NRXN1: variants seen among roughly 807,000 people sequenced by gnomAD.
The protein encoded by NRXN1 is neurexin-1.
A neutral mutation model predicts 150.9 loss-of-function variants in NRXN1; 39 were observed. That is an observed-to-expected ratio of 0.26 (90% confidence interval 0.20 to 0.34). The LOEUF (loss-of-function observed/expected upper bound fraction) is 0.34. Among genes scored for constraint, NRXN1 ranks in the 10% least tolerant of loss-of-function variants. The probability of loss-of-function intolerance (pLI) is 1.00; values close to 1 mark genes in which losing one functional copy is unlikely to be tolerated. For missense variants in NRXN1, 1,815 were observed against 1,949.9 expected, an observed-to-expected ratio of 0.93 and a Z score of 1.30; for synonymous variants, 924 against 757.0, an observed-to-expected ratio of 1.22 and a Z score of -3.62.
intron 5 of NRXN1, among the ~76,000 whole-genome samples, chr2:50,803,191 T>G (rs1367983482): frequency 1.3e-5 from 2 of 152,218 alleles, no homozygotes; most frequent in African/African-American, 4.8e-5. Flanking sequence ...TGATTACATT[T>G]ACATACAATT....
intron 18 of NRXN1, among the ~76,000 whole-genome samples, chr2:50,200,529 G>C (rs1019694016): frequency 6.6e-6 from 1 of 152,132 alleles, no homozygotes; most frequent in Non-Finnish European, 1.5e-5. Flanking sequence ...CAAGGCTGCA[G>C]ATAGCGACAC....
rs200945537 is a variant in NRXN1 at position 50,347,271 on chromosome 2, T to G, written c.3365-110301A>C. The G allele has an allele frequency of 7.6e-7, 1 of 1,308,472 alleles. No individual in the cohort carries two copies. Among genetic ancestry groups the G allele is most frequent in the Non-Finnish European group, 1.0e-6 (1 of 1,002,548 alleles). 81.1% of individuals were successfully genotyped at this position (1,308,472 alleles called of 1,614,324 possible). ...TCCAGGGCTCCAGGTTCTCGAGAGA[T>G]ACTCCCAAAGAGTTTCGGGCGAGAG... On this transcript the variant is annotated intron_variant, in intron 17 of 22. Coordinates refer to ENST00000401669, the MANE Select transcript of NRXN1 (RefSeq NM_001330078.2). The surrounding 1 kb of genome is among the most constrained non-coding windows in gnomAD (Gnocchi z 4.9).
intron 18 of NRXN1, among the ~76,000 whole-genome samples, chr2:50,232,011 A>T (rs2064987067): frequency 1.3e-5 from 2 of 152,104 alleles, no homozygotes; most frequent in Non-Finnish European, 2.9e-5. Flanking sequence ...TATATTCTTT[A>T]TCTTAAAAAT....
At chr2:50,534,817 G>A (rs978549977) in intron 10 of NRXN1, among the ~76,000 whole-genome samples, 1 of 152,080 alleles carries the variant, frequency 6.6e-6, no homozygotes. Flanking sequence ...TCTGGGAAAA[G>A]TAGCTTGATT....
intron 18 of NRXN1, among the ~76,000 whole-genome samples, chr2:50,114,105 T>C (rs1255737880): frequency 6.6e-6 from 1 of 151,972 alleles, no homozygotes; most frequent in Non-Finnish European, 1.5e-5. Flanking sequence ...AAAAGATATA[T>C]CTGATAAAGG....
intron 21 of NRXN1, among the ~76,000 whole-genome samples, chr2:49,957,712 G>A (rs1342921599): frequency 2.0e-5 from 3 of 152,090 alleles, no homozygotes; most frequent in Non-Finnish European, 4.4e-5. Flanking sequence ...TGAATTATGT[G>A]CTCCAGTTCC....
At chr2:50,717,799 T>C (rs1295076124) in intron 5 of NRXN1, among the ~76,000 whole-genome samples, 1 of 152,112 alleles carries the variant, frequency 6.6e-6, no homozygotes, top group Non-Finnish European at 1.5e-5. Flanking sequence ...TGCCATTGCA[T>C]GGCAGCAGTG....
intron 8 of NRXN1, among the ~76,000 whole-genome samples, chr2:50,611,804 G>T (rs1678180847): frequency 6.6e-6 from 1 of 152,156 alleles, no homozygotes; most frequent in Non-Finnish European, 1.5e-5. Context: ...GAGGTTCACA[G>T]AGGTAACAGC....
intron 18 of NRXN1, among the ~76,000 whole-genome samples, chr2:50,220,662 T>G: frequency 6.6e-6 from 1 of 152,168 alleles, no homozygotes; most frequent in Admixed American, 6.6e-5. Flanking sequence ...AATATCCCAT[T>G]ATCAGTTCCA....
At chr2:50,188,797 C>G (rs1448139875) in intron 18 of NRXN1, among the ~76,000 whole-genome samples, 2 of 152,106 alleles carry the variant, frequency 1.3e-5, no homozygotes, top group Non-Finnish European at 2.9e-5. Context: ...TAGAAAAATG[C>G]AAATCAACAC....
intron 8 of NRXN1, among the ~76,000 whole-genome samples, chr2:50,608,030 T>G (rs1006930111): frequency 2.0e-5 from 3 of 151,330 alleles, no homozygotes; most frequent in Admixed American, 2.0e-4. Flanking sequence ...GGCCTGGGGG[T>G]AAATGAGAAG....
At position 49,919,193 on chromosome 2, in the gene NRXN1, A is replaced by G. The variant is rs1481284171; in HGVS notation, c.*2751T>C. On this transcript the variant is annotated 3_prime_UTR_variant, in exon 23 of 23. Transcript: ENST00000401669. ...TTATGCCAAGTCGTGTGAAATCCTCAATCAACTGCAAACTATGCAGGGAAC... is the reference window on the plus strand; with the variant it reads ...TTATGCCAAGTCGTGTGAAATCCTCGATCAACTGCAAACTATGCAGGGAAC... The G allele has an allele frequency of 1.3e-5, 2 of 152,132 alleles. No homozygotes were observed. The highest frequency in any genetic ancestry group is 4.8e-5 in the African/African-American group (2 of 41,466). 9.4% of individuals were successfully genotyped at this position (152,132 alleles called of 1,614,324 possible). A position where few individuals can be genotyped will look rare whatever the true frequency, so the allele number is the denominator to read the frequency against.
At chr2:50,706,176 T>C (rs974623204) in intron 5 of NRXN1, among the ~76,000 whole-genome samples, 3 of 152,200 alleles carry the variant, frequency 2.0e-5, no homozygotes, top group Non-Finnish European at 4.4e-5. Context: ...GTTACTGCCT[T>C]CTTTACATCT....
At chr2:50,352,785 A>T (rs1558582690) in intron 17 of NRXN1, among the ~76,000 whole-genome samples, 1 of 146,058 alleles carries the variant, frequency 6.8e-6, no homozygotes. Context: ...ATATTATAAT[A>T]ATAATAATAA....
chr2:50,691,480 T>G (rs1692064515), intron 5 of NRXN1, among the ~76,000 whole-genome samples: 1 of 152,228 alleles, frequency 6.6e-6, no homozygotes, highest in African/African-American at 2.4e-5. Context: ...CTTCAAATGC[T>G]TATTTTTTTA....
intron 17 of NRXN1, among the ~76,000 whole-genome samples, chr2:50,452,978 G>A (rs79666185): frequency 0.023 from 3,456 of 152,190 alleles, 144 homozygotes; most frequent in African/African-American, 0.077. Context: ...CCAGCCAATG[G>A]GAGAGGCTGA....
At chr2:50,900,531 A>G (rs1682764867) in intron 5 of NRXN1, among the ~76,000 whole-genome samples, 1 of 152,196 alleles carries the variant, frequency 6.6e-6, no homozygotes, top group Non-Finnish European at 1.5e-5. Flanking sequence ...TCAGGTGGGA[A>G]GGCGGGTACA....
chr2:50,667,876 A>G (rs1688299912), intron 5 of NRXN1, among the ~76,000 whole-genome samples: 1 of 151,996 alleles, frequency 6.6e-6, no homozygotes. Context: ...GACAAAGTTT[A>G]CTAGCATCTT....
rs533257971 is a variant in NRXN1, at chr2:50,484,072, C to T, written c.3071-11601G>A. Among the ~76,000 whole-genome samples the T allele has an allele frequency of 5.9e-5, 9 of 152,106 alleles. No homozygotes were observed. The East Asian group carries it at 7.8e-4, about 13-fold the overall frequency. The stretch of plus-strand genomic sequence containing the variant: ...TTTAATGTAGGTGAAAAATTGGCAC[C>T]GGCTCTCAACTTAGATATAAACAGG... On this transcript the variant is annotated intron_variant, in intron 15 of 22. Coordinates refer to ENST00000401669, the MANE Select transcript of NRXN1 (RefSeq NM_001330078.2).
Sources: allele counts gnomAD v4.1 joint callset (sites outside exome capture counted in the v4.1 genomes callset), GRCh38; gene constraint gnomAD v4.1.1; non-coding constraint Gnocchi (gnomAD v3.1); transcripts MANE v1.5; gene names NCBI Gene and HGNC (gene_info 2026-07-23, HGNC 2026-07-21).